Variants in GPC5 observed in about 807,000 individuals in gnomAD.
GPC5 encodes the protein glypican 5.
GPC5 carries 47 observed loss-of-function variants against 53.9 expected under a neutral mutation model. That is an observed-to-expected ratio of 0.87 (90% CI 0.69 to 1.11). The LOEUF (loss-of-function observed/expected upper bound fraction) is 1.11. Among genes scored for constraint, GPC5 ranks in the 50% most tolerant of loss-of-function variants. The pLI is 0.00. For synonymous variants in GPC5, 286 were observed against 263.3 expected (o/e 1.09, Z -0.84); for missense variants, 748 against 713.1 (o/e 1.05, Z -0.56).
At chr13:92,143,982 G>A (rs74601216) in intron 6 of GPC5, among the ~76,000 whole-genome samples, 2,878 of 152,122 alleles carry the variant, frequency 0.019, 85 homozygotes, top group African/African-American at 0.066. Flanking sequence ...GCTCACACTT[G>A]GCCATGTGCT....
intron 7 of GPC5, among the ~76,000 whole-genome samples, chr13:92,853,120 T>A (rs1663741096): frequency 6.6e-6 from 1 of 152,076 alleles, no homozygotes; most frequent in Non-Finnish European, 1.5e-5. Context: ...AATGGTTAAA[T>A]CTACAAGCAG....
intron 6 of GPC5, among the ~76,000 whole-genome samples, chr13:92,043,387 C>T (rs949144552): frequency 5.3e-5 from 8 of 151,880 alleles, no homozygotes; most frequent in African/African-American, 1.9e-4. Flanking sequence ...TGAGGCTGTG[C>T]CAAGCAAGCA....
At chr13:92,168,473 A>G (rs2042047109) in intron 7 of GPC5, among the ~76,000 whole-genome samples, 2 of 152,172 alleles carry the variant, frequency 1.3e-5, no homozygotes, top group South Asian at 4.1e-4. Flanking sequence ...ATCTATAAGA[A>G]ACTTAAATTT....
At chr13:92,628,753 G>A (rs948588958) in intron 7 of GPC5, among the ~76,000 whole-genome samples, 3 of 152,086 alleles carry the variant, frequency 2.0e-5, no homozygotes, top group Non-Finnish European at 2.9e-5. Context: ...TCTCCGAGTT[G>A]AGACTCTCAT....
chr13:92,249,041 T>G (rs540431391), intron 7 of GPC5, among the ~76,000 whole-genome samples: 3 of 152,088 alleles, frequency 2.0e-5, no homozygotes, highest in African/African-American at 7.2e-5. Flanking sequence ...AAATTTTTTG[T>G]GGGTATATAG....
At chr13:92,473,723 A>G (rs1239037080) in intron 7 of GPC5, among the ~76,000 whole-genome samples, 2 of 152,110 alleles carry the variant, frequency 1.3e-5, no homozygotes, top group African/African-American at 4.8e-5. Flanking sequence ...GGAACTTTTA[A>G]TTCCCTTACG....
At chr13:92,215,437 C>T (rs558709961) in intron 7 of GPC5, among the ~76,000 whole-genome samples, 1 of 152,168 alleles carries the variant, frequency 6.6e-6, no homozygotes, top group Admixed American at 6.5e-5. Flanking sequence ...TGCTATTTGG[C>T]AAAGGAATCA....
At chr13:91,662,523 A>G (rs2035010070) in intron 2 of GPC5, among the ~76,000 whole-genome samples, 1 of 151,856 alleles carries the variant, frequency 6.6e-6, no homozygotes, top group Non-Finnish European at 1.5e-5. Flanking sequence ...AAATTGGGGC[A>G]GTAAAAGTAT....
At chr13:92,418,186 A>C (rs1876399803) in intron 7 of GPC5, among the ~76,000 whole-genome samples, 1 of 152,188 alleles carries the variant, frequency 6.6e-6, no homozygotes, top group South Asian at 2.1e-4. Context: ...GTGACTGCTA[A>C]TGGGCATGGG....
chr13:91,565,291 A>C (rs776440084), intron 2 of GPC5, among the ~76,000 whole-genome samples: 44 of 152,030 alleles, frequency 2.9e-4, no homozygotes, highest in Non-Finnish European at 5.0e-4. Flanking sequence ...TGCCTGGCCA[A>C]ATATTTATAT....
At chr13:92,568,843 G>A (rs1203869957) in intron 7 of GPC5, among the ~76,000 whole-genome samples, 1 of 152,074 alleles carries the variant, frequency 6.6e-6, no homozygotes, top group Non-Finnish European at 1.5e-5. Flanking sequence ...AGCAAGTGGT[G>A]GAGCCAGGAA....
Position 92,416,958 on chromosome 13 carries a change from G to A in GPC5, c.1561+271969G>A, listed in dbSNP as rs566397305. On this transcript the variant is annotated intron_variant, in intron 7 of 7. Transcript: ENST00000377067. Reference sequence around the variant, plus strand: ...ACTTGGGTTACTATAAGTCAAAAAGGCACTTTAACTTATATTTTCAACTTA... The same window carrying A: ...ACTTGGGTTACTATAAGTCAAAAAGACACTTTAACTTATATTTTCAACTTA... 4.6e-5 allele frequency among the ~76,000 whole-genome samples: 7 copies of A among 152,092 alleles called. No homozygotes were observed. In the East Asian group the frequency reaches 1.2e-3, roughly 25 times the overall value.
chr13:91,434,408 C>G (rs1429915307), intron 1 of GPC5, among the ~76,000 whole-genome samples: 1 of 152,072 alleles, frequency 6.6e-6, no homozygotes, highest in East Asian at 1.9e-4. Flanking sequence ...CCAGTTTCAG[C>G]TTTCTACATA....
intron 7 of GPC5, among the ~76,000 whole-genome samples, chr13:92,711,727 A>C (rs1291838313): frequency 6.6e-6 from 1 of 152,112 alleles, no homozygotes; most frequent in Non-Finnish European, 1.5e-5. Flanking sequence ...TTAAAATCAT[A>C]TGGAACATGT....
chr13:92,807,120 T>C (rs949005217), intron 7 of GPC5, among the ~76,000 whole-genome samples: 8 of 151,796 alleles, frequency 5.3e-5, no homozygotes, highest in African/African-American at 1.9e-4. Flanking sequence ...AGAAAGTGTT[T>C]AGCATAATAT....
chr13:91,879,841 TG>T (rs2039245227), intron 5 of GPC5, among the ~76,000 whole-genome samples: 1 of 152,208 alleles, frequency 6.6e-6, no homozygotes, highest in African/African-American at 2.4e-5. Flanking sequence ...GCCAAATCAT[TG>T]GGGTGGCTGA....
intron 6 of GPC5, among the ~76,000 whole-genome samples, chr13:91,981,120 G>A (rs1480587412): frequency 6.6e-6 from 1 of 152,118 alleles, no homozygotes; most frequent in Non-Finnish European, 1.5e-5. Flanking sequence ...TATATACCTA[G>A]TAGTGGAACC....
intron 2 of GPC5, among the ~76,000 whole-genome samples, chr13:91,685,294 G>C (rs759158233): frequency 1.3e-5 from 2 of 152,176 alleles, no homozygotes; most frequent in Non-Finnish European, 2.9e-5. Context: ...AACAGAGTGA[G>C]ACCTTGTCTC....
At chr13:91,558,446 G>A (rs940253368) in intron 2 of GPC5, among the ~76,000 whole-genome samples, 40 of 151,994 alleles carry the variant, frequency 2.6e-4, no homozygotes, top group African/African-American at 9.2e-4. Context: ...ATTGGATGTG[G>A]ACCATGTAAA....
Sources: allele counts gnomAD v4.1 joint callset (sites outside exome capture counted in the v4.1 genomes callset), GRCh38; gene constraint gnomAD v4.1.1; transcripts MANE v1.5; gene names NCBI Gene and HGNC (gene_info 2026-07-23, HGNC 2026-07-21).